MAP3K5: variants seen among roughly 807,000 people sequenced by gnomAD.
MAP3K5 encodes the protein mitogen-activated protein kinase kinase kinase 5.
In MAP3K5, 56 loss-of-function variants were observed where a neutral mutation model predicts 158.7. That is an observed-to-expected ratio of 0.35 (90% CI 0.28 to 0.44). The LOEUF (loss-of-function observed/expected upper bound fraction) is 0.44, where lower values mean the gene tolerates loss of function less well. Ranked by LOEUF, MAP3K5 falls within the 20% of genes least tolerant of loss-of-function variation. The probability of loss-of-function intolerance (pLI) is 1.00; values close to 1 mark genes in which losing one functional copy is unlikely to be tolerated. For synonymous variants in MAP3K5, 579 were observed against 601.7 expected (o/e 0.96, Z 0.55); for missense variants, 1,294 against 1,674.8 (o/e 0.77, Z 3.97).
At chr6:136,695,291 C>A (rs914474433) in intron 6 of MAP3K5, among the ~76,000 whole-genome samples, 2 of 151,982 alleles carry the variant, frequency 1.3e-5, no homozygotes, top group Non-Finnish European at 2.9e-5. Context: ...GTGCACACTG[C>A]CACACCTGGC....
At chr6:136,668,583 A>G (rs1779330388) in intron 8 of MAP3K5, among the ~76,000 whole-genome samples, 1 of 152,200 alleles carries the variant, frequency 6.6e-6, no homozygotes, top group Admixed American at 6.5e-5. Flanking sequence ...TCCCATAGAC[A>G]GGATTCCAGT....
At chr6:136,641,152 TTTTA>T (rs1419434605) in intron 12 of MAP3K5, among the ~76,000 whole-genome samples, 2 of 152,148 alleles carry the variant, frequency 1.3e-5, no homozygotes, top group Non-Finnish European at 2.9e-5. Flanking sequence ...AAGAGTACAG[TTTTA>T]TTTGAGAAAG....
At chr6:136,776,482 C>T (rs1204219502) in intron 1 of MAP3K5, among the ~76,000 whole-genome samples, 1 of 152,134 alleles carries the variant, frequency 6.6e-6, no homozygotes, top group Non-Finnish European at 1.5e-5. Flanking sequence ...TGTGCTCAAG[C>T]GATCCACCAG....
intron 1 of MAP3K5, among the ~76,000 whole-genome samples, chr6:136,738,814 C>T (rs1782586440): frequency 6.6e-6 from 1 of 152,104 alleles, no homozygotes; most frequent in African/African-American, 2.4e-5. Context: ...GTAGCCACGT[C>T]AGCTCCAAAG....
rs1006967869 is a variant in MAP3K5 at position 136,761,496 on chromosome 6, A to T, written c.448+30214T>A. 2.6e-5 allele frequency among the ~76,000 whole-genome samples: 4 copies of T among 152,268 alleles called. 1 individual carries two copies. The highest frequency in any genetic ancestry group is 9.6e-5 in the African/African-American group (4 of 41,564). On this transcript the variant is annotated intron_variant, in intron 1 of 29. Transcript: ENST00000359015. Reference sequence around the variant, plus strand: ...AGGAGCCTGGGGGAATTGTTCTCGCATCCCAAATCAGTGGTTCCAGCAACT... The same window carrying T: ...AGGAGCCTGGGGGAATTGTTCTCGCTTCCCAAATCAGTGGTTCCAGCAACT...
chr6:136,642,638 T>G, intron 11 of MAP3K5, 69 bp from the exon 12 acceptor site: 2 of 1,101,962 alleles, frequency 1.8e-6, no homozygotes, highest in South Asian at 2.6e-5. Flanking sequence ...ATAATTTTGT[T>G]TAATTATTTT....
chr6:136,697,190 C>G, intron 5 of MAP3K5, 29 bp downstream of exon 5: 1 of 1,592,736 alleles, frequency 6.3e-7, no homozygotes, highest in South Asian at 1.1e-5. Context: ...TGCTACACAA[C>G]AAAGATTTCA....
intron 9 of MAP3K5, among the ~76,000 whole-genome samples, chr6:136,658,815 C>G (rs1408171916): frequency 6.6e-6 from 1 of 152,106 alleles, no homozygotes; most frequent in Non-Finnish European, 1.5e-5. Flanking sequence ...ATGAGAATTC[C>G]AAAACTGAGA....
At chr6:136,558,230 T>G (rs1830339255) in intron 29 of MAP3K5, among the ~76,000 whole-genome samples, 1 of 151,992 alleles carries the variant, frequency 6.6e-6, no homozygotes, top group Non-Finnish European at 1.5e-5. Context: ...TACAAAAAAA[T>G]TAGCTGGGCG....
intron 23 of MAP3K5, among the ~76,000 whole-genome samples, chr6:136,585,412 C>T (rs1775079974): frequency 6.6e-6 from 1 of 151,748 alleles, no homozygotes; most frequent in Non-Finnish European, 1.5e-5. Flanking sequence ...GCCACTTTCC[C>T]CAACCTCAGA....
At chr6:136,642,200 A>C (rs1778012307) in intron 12 of MAP3K5, among the ~76,000 whole-genome samples, 1 of 152,060 alleles carries the variant, frequency 6.6e-6, no homozygotes, top group African/African-American at 2.4e-5. Flanking sequence ...CTATTACATA[A>C]ACCAACAGCT....
intron 7 of MAP3K5, among the ~76,000 whole-genome samples, chr6:136,691,436 C>A (rs1780383069): frequency 6.6e-6 from 1 of 152,000 alleles, no homozygotes; most frequent in Admixed American, 6.6e-5. Context: ...CATGGGGAAA[C>A]CCGGACTCAA....
intron 3 of MAP3K5, among the ~76,000 whole-genome samples, chr6:136,700,797 C>G (rs537102889): frequency 4.6e-5 from 7 of 152,098 alleles, no homozygotes; most frequent in African/African-American, 1.7e-4. Flanking sequence ...GTGGGAGAGA[C>G]CTCTATGAGA....
intron 25 of MAP3K5, among the ~76,000 whole-genome samples, chr6:136,573,985 C>T (rs1774484232): frequency 6.6e-6 from 1 of 150,952 alleles, no homozygotes; most frequent in East Asian, 2.0e-4. Flanking sequence ...GGCTGGAGTG[C>T]AGTGGCATGA....
intron 21 of MAP3K5, among the ~76,000 whole-genome samples, chr6:136,593,872 T>C (rs1277258721): frequency 6.6e-6 from 1 of 152,194 alleles, no homozygotes; most frequent in Non-Finnish European, 1.5e-5. Flanking sequence ...TTAATTCCTC[T>C]TGGGCTGAAC....
chr6:136,663,614 T>TC (rs1779102553), intron 8 of MAP3K5, among the ~76,000 whole-genome samples: 1 of 150,720 alleles, frequency 6.6e-6, no homozygotes, highest in South Asian at 2.1e-4. Context: ...CACTTTTTTT[T>TC]TTTTTTTTTT....
At chr6:136,761,181 C>T (rs1210681677) in intron 1 of MAP3K5, among the ~76,000 whole-genome samples, 1 of 150,854 alleles carries the variant, frequency 6.6e-6, no homozygotes, top group Non-Finnish European at 1.5e-5. Flanking sequence ...TGCCACCTCG[C>T]TTATGGGAGA....
rs573609791 is a variant in MAP3K5 at position 136,721,609 on chromosome 6, C to T, written c.449-1020G>A. Among the ~76,000 whole-genome samples the T allele has an allele frequency of 3.9e-5, 6 of 152,278 alleles. 1 individual carries two copies. Among genetic ancestry groups the T allele is most frequent in the African/African-American group, 1.4e-4 (6 of 41,570 alleles). On this transcript the variant is annotated intron_variant, in intron 1 of 29. Transcript: ENST00000359015. ...GTACCAAGTGTTATAAGACCTAGAT[C>T]GTGAGTTTAAAATTTATTTGCAGAA...
intron 8 of MAP3K5, among the ~76,000 whole-genome samples, chr6:136,666,878 GTA>G (rs1779251413): frequency 6.6e-6 from 1 of 152,124 alleles, no homozygotes; most frequent in Non-Finnish European, 1.5e-5. Context: ...TTTTAAGTCT[GTA>G]TATGTTATGC....
Sources: allele counts gnomAD v4.1 joint callset (sites outside exome capture counted in the v4.1 genomes callset), GRCh38; gene constraint gnomAD v4.1.1; transcripts MANE v1.5; gene names NCBI Gene and HGNC (gene_info 2026-07-23, HGNC 2026-07-21).